ASAP2: variants seen among roughly 807,000 people sequenced by gnomAD.
ASAP2 encodes the protein ArfGAP with SH3 domain, ankyrin repeat and PH domain 2, also known as arf-GAP with SH3 domain, ANK repeat and PH domain-containing protein 2.
In ASAP2, 45 loss-of-function variants were observed where a neutral mutation model predicts 131.4. The observed-to-expected ratio is 0.34, with a 90% CI of 0.27 to 0.44. The LOEUF is 0.44. Among genes scored for constraint, ASAP2 ranks in the 20% least tolerant of loss-of-function variants. ASAP2 has a pLI of 1.00. For missense variants in ASAP2, 1,011 were observed against 1,297.0 expected (o/e 0.78, Z 3.39); for synonymous variants, 510 against 503.0 (o/e 1.01, Z -0.19).
intron 10 of ASAP2, 29 bp from the exon 11 acceptor site, chr2:9,344,700 ACT>A: frequency 6.2e-7 from 1 of 1,613,230 alleles, no homozygotes; most frequent in Non-Finnish European, 8.5e-7. Context: ...AAATGTCTAA[ACT>A]CTTATTGTTT....
intron 14 of ASAP2, among the ~76,000 whole-genome samples, chr2:9,356,687 C>T (rs1359724657): frequency 6.6e-6 from 1 of 152,130 alleles, no homozygotes; most frequent in Admixed American, 6.5e-5. Flanking sequence ...GGATGGGCTT[C>T]CTTGCTTGGA....
intron 1 of ASAP2, among the ~76,000 whole-genome samples, chr2:9,260,599 A>T (rs1040815878): frequency 6.6e-6 from 1 of 152,128 alleles, no homozygotes; most frequent in Admixed American, 6.5e-5. Flanking sequence ...TCTCTGCTGC[A>T]TACAGAGGTT....
intron 1 of ASAP2, among the ~76,000 whole-genome samples, chr2:9,214,651 G>C (rs1661869385): frequency 6.6e-6 from 1 of 151,968 alleles, no homozygotes; most frequent in Non-Finnish European, 1.5e-5. Flanking sequence ...TTATGATGAT[G>C]GTCATTTCTA....
intron 11 of ASAP2, among the ~76,000 whole-genome samples, chr2:9,345,532 G>C (rs960842320): frequency 6.6e-6 from 1 of 152,150 alleles, no homozygotes; most frequent in African/African-American, 2.4e-5. Flanking sequence ...GGCATGACTA[G>C]AGCTGGTGAT....
chr2:9,388,576 A>T, intron 22 of ASAP2, 30 bp downstream of exon 22: 1 of 1,596,948 alleles, frequency 6.3e-7, no homozygotes, highest in Non-Finnish European at 8.5e-7. Context: ...CCCTGTGAAT[A>T]TATAGAGGGT....
At chr2:9,335,862 TAAAAG>T (rs1671170112) in intron 9 of ASAP2, among the ~76,000 whole-genome samples, 1 of 152,248 alleles carries the variant, frequency 6.6e-6, no homozygotes, top group Admixed American at 6.5e-5. Context: ...TCCTTGTTAA[TAAAAG>T]GAATGTATCT....
At position 9,274,624 on chromosome 2, in the gene ASAP2, A is replaced by G. The variant is rs1020842001; in HGVS notation, c.127-4693A>G. ...AGGCATGAGCCACCGCGTCCAGCCT[A>G]ACACTCAATCTTAAACAATCATTCT... On this transcript the variant is annotated intron_variant, in intron 1 of 27. Coordinates refer to ENST00000281419, the MANE Select transcript of ASAP2 (RefSeq NM_003887.3). Among the ~76,000 whole-genome samples the G allele has an allele frequency of 1.1e-4, 17 of 151,966 alleles. 1 individual carries two copies. The highest frequency in any genetic ancestry group is 1.0e-3 in the South Asian group (5 of 4,816).
chr2:9,246,899 G>A (rs1282585395), intron 1 of ASAP2, among the ~76,000 whole-genome samples: 2 of 152,086 alleles, frequency 1.3e-5, no homozygotes, highest in Non-Finnish European at 2.9e-5. Context: ...GGAGTGCAGT[G>A]GCATGATCTT....
chr2:9,365,519 A>G (rs1673403131), intron 15 of ASAP2, among the ~76,000 whole-genome samples: 1 of 152,206 alleles, frequency 6.6e-6, no homozygotes, highest in Non-Finnish European at 1.5e-5. Context: ...CAATGTCCAG[A>G]TAAAACCTAA....
chr2:9,217,050 C>A lies in ASAP2; in HGVS notation c.126+9820C>A, dbSNP rs532404558. 2.6e-5 allele frequency among the ~76,000 whole-genome samples: 4 copies of A among 152,200 alleles called. No homozygotes were observed. The East Asian group carries it at 7.7e-4, about 29-fold the overall frequency. On this transcript the variant is annotated intron_variant, in intron 1 of 27. Transcript: ENST00000281419. The surrounding 1 kb of genome is among the most constrained non-coding windows in gnomAD (Gnocchi z 4.0). ...AGGCCACGGTACCAAGTTCATGGAG[C>A]TTGGAGGTGATGAAGCCAGGATTCA...
intron 4 of ASAP2, among the ~76,000 whole-genome samples, chr2:9,318,998 G>A (rs1025397433): frequency 9.9e-5 from 15 of 152,218 alleles, no homozygotes; most frequent in Admixed American, 2.6e-4. Context: ...TGGGAAGGTC[G>A]CAGTCGTCAG....
chr2:9,380,885 G>A lies in ASAP2; in HGVS notation c.2016+77G>A, dbSNP rs1674788507. ...GCCAAGCCTGTCCTCCTTGGGCAGG[G>A]TTTGCTGTGAACCAGTGTCCTGAGC... On this transcript the variant is annotated intron_variant, in intron 20 of 27. Transcript: ENST00000281419. 26 of 1,459,910 alleles carry A rather than the reference G, an allele frequency of 1.8e-5. No individual in the cohort carries two copies. In the South Asian group the frequency reaches 3.0e-4, roughly 17 times the overall value. 90.4% of individuals were successfully genotyped at this position (1,459,910 alleles called of 1,614,324 possible). A position where few individuals can be genotyped will look rare whatever the true frequency, so the allele number is the denominator to read the frequency against.
At chr2:9,283,012 A>C (rs143445554) in intron 2 of ASAP2, among the ~76,000 whole-genome samples, 13 of 151,374 alleles carry the variant, frequency 8.6e-5, no homozygotes, top group Middle Eastern at 3.4e-3. Flanking sequence ...ACCCATTTTC[A>C]TCAAGCCTTA....
At chr2:9,357,250 G>A (rs1313763352) in intron 14 of ASAP2, among the ~76,000 whole-genome samples, 1 of 151,368 alleles carries the variant, frequency 6.6e-6, no homozygotes, top group South Asian at 2.1e-4. Flanking sequence ...AGACTGAGGC[G>A]GGCGGATCAC....
chr2:9,403,441 A>C lies in ASAP2; in HGVS notation c.*114A>C. The C allele has an allele frequency of 3.3e-6, 3 of 901,342 alleles. No homozygotes were observed. Among genetic ancestry groups the C allele is most frequent in the South Asian group, 1.6e-5 (1 of 61,170 alleles). The allele number at this position is 901,342 out of a possible 1,614,324, so 55.8% of individuals were successfully genotyped here. On this transcript the variant is annotated 3_prime_UTR_variant, in exon 28 of 28. Coordinates refer to ENST00000281419, the MANE Select transcript of ASAP2 (RefSeq NM_003887.3). ...TTTGTATGGCAGCCCATGTTCTCTA[A>C]TGCCACTGCTCTGTTTTAAAAACTC...
At chr2:9,346,458 C>G (rs918373154) in intron 11 of ASAP2, among the ~76,000 whole-genome samples, 1 of 150,920 alleles carries the variant, frequency 6.6e-6, no homozygotes, top group Non-Finnish European at 1.5e-5. Context: ...AAAAGCCATT[C>G]TTTCCATGCG....
rs1666401711 is a variant in ASAP2, at chr2:9,271,592, A to G, written c.127-7725A>G. ...TCATCACCCTTACTTGCATCAGCAA[A>G]GGAGTTTAAATAGTGGAGGTTCTGG... On this transcript the variant is annotated intron_variant, in intron 1 of 27. Transcript: ENST00000281419. 4 of 1,434,814 alleles carry G rather than the reference A, an allele frequency of 2.8e-6. No homozygotes were observed. The Admixed American group carries it at 7.2e-5, about 26-fold the overall frequency. The allele number at this position is 1,434,814 out of a possible 1,614,324, so 88.9% of individuals were successfully genotyped here.
chr2:9,366,158 A>G (rs569959344), intron 15 of ASAP2, among the ~76,000 whole-genome samples: 27 of 152,158 alleles, frequency 1.8e-4, no homozygotes, highest in Non-Finnish European at 3.4e-4. Flanking sequence ...TGAAACGTAA[A>G]CTGGAACTTG....
intron 2 of ASAP2, among the ~76,000 whole-genome samples, chr2:9,280,685 C>T (rs1340490181): frequency 2.6e-5 from 4 of 152,210 alleles, no homozygotes; most frequent in Admixed American, 6.5e-5. Context: ...ACCCCAACCC[C>T]AGTCAGAATT....
Sources: gnomAD v4.1 joint callset for allele counts (sites outside exome capture counted in the v4.1 genomes callset) on GRCh38, gnomAD v4.1.1 for gene constraint, Gnocchi (gnomAD v3.1) non-coding constraint, MANE v1.5 for transcripts, NCBI Gene and HGNC (gene_info 2026-07-23, HGNC 2026-07-21) for gene names.